CTTNBP2: variants seen among roughly 807,000 people sequenced by gnomAD.
CTTNBP2 encodes cortactin-binding protein 2.
In CTTNBP2, 108 loss-of-function variants were observed where a neutral mutation model predicts 156.9. That is an observed-to-expected ratio of 0.69 (90% CI 0.59 to 0.81). The LOEUF is 0.81. Among genes scored for constraint, CTTNBP2 ranks in the 30% least tolerant of loss-of-function variants. CTTNBP2 has a pLI of 0.00. For missense variants in CTTNBP2, 1,924 were observed against 2,035.4 expected, an observed-to-expected ratio of 0.95 and a Z score of 1.05; for synonymous variants, 767 against 751.8, an observed-to-expected ratio of 1.02 and a Z score of -0.33.
At chr7:117,845,760 T>C (rs1802543754) in intron 2 of CTTNBP2, among the ~76,000 whole-genome samples, 1 of 152,238 alleles carries the variant, frequency 6.6e-6, no homozygotes, top group Non-Finnish European at 1.5e-5. Flanking sequence ...GTTCAGCCAG[T>C]ACACATCAAG....
chr7:117,809,920 T>G (rs1277092375), intron 3 of CTTNBP2, among the ~76,000 whole-genome samples: 1 of 152,226 alleles, frequency 6.6e-6, no homozygotes, highest in East Asian at 1.9e-4. Context: ...TTAATTTTAA[T>G]CAAACCACAC....
chr7:117,830,026 C>G (rs1307221688), intron 2 of CTTNBP2, among the ~76,000 whole-genome samples: 1 of 152,180 alleles, frequency 6.6e-6, no homozygotes, highest in African/African-American at 2.4e-5. Context: ...AATTCCTACT[C>G]CATTCCATAG....
chr7:117,852,717 T>A (rs768003651), intron 2 of CTTNBP2, among the ~76,000 whole-genome samples: 4 of 152,204 alleles, frequency 2.6e-5, no homozygotes, highest in Non-Finnish European at 5.9e-5. Flanking sequence ...AATGAATGAT[T>A]AAACATAGAA....
At chr7:117,759,409 G>C (rs1344060181) in intron 10 of CTTNBP2, among the ~76,000 whole-genome samples, 1 of 152,102 alleles carries the variant, frequency 6.6e-6, no homozygotes, top group Non-Finnish European at 1.5e-5. Context: ...ACCATGCACA[G>C]CCAATAATAG....
chr7:117,871,017 T>C (rs1804558624), intron 1 of CTTNBP2, among the ~76,000 whole-genome samples: 1 of 152,238 alleles, frequency 6.6e-6, no homozygotes, highest in Non-Finnish European at 1.5e-5. Flanking sequence ...CTTTCAAAAA[T>C]AGCCTACTGC....
At chr7:117,835,699 A>G (rs7796436) in intron 2 of CTTNBP2, among the ~76,000 whole-genome samples, 107,374 of 152,096 alleles carry the variant, frequency 0.71, 38,488 homozygotes, top group African/African-American at 0.84. Flanking sequence ...TTCAACACGC[A>G]TTCGTCTTGA....
intron 2 of CTTNBP2, among the ~76,000 whole-genome samples, chr7:117,813,275 A>G (rs1800393282): frequency 6.6e-6 from 1 of 152,210 alleles, no homozygotes. Context: ...AATGTAGGAC[A>G]AACTACATAA....
chr7:117,842,676 G>GA (rs971921062), intron 2 of CTTNBP2, among the ~76,000 whole-genome samples: 5 of 152,028 alleles, frequency 3.3e-5, no homozygotes, highest in African/African-American at 9.7e-5. Context: ...AATAGAGATA[G>GA]AAAAAATGTA....
At chr7:117,767,987 G>A (rs1797584385) in intron 8 of CTTNBP2, among the ~76,000 whole-genome samples, 1 of 151,972 alleles carries the variant, frequency 6.6e-6, no homozygotes, top group South Asian at 2.1e-4. Flanking sequence ...ATGATTTGTT[G>A]GCTAATTTCC....
chr7:117,757,447 C>G (rs1796942440), intron 11 of CTTNBP2, among the ~76,000 whole-genome samples: 1 of 146,064 alleles, frequency 6.8e-6, no homozygotes, highest in Non-Finnish European at 1.5e-5. Flanking sequence ...CTATAAACAA[C>G]AGGGTCTAGC....
intron 3 of CTTNBP2, among the ~76,000 whole-genome samples, chr7:117,805,966 G>A (rs975056663): frequency 6.6e-6 from 1 of 152,160 alleles, no homozygotes; most frequent in Non-Finnish European, 1.5e-5. Flanking sequence ...TTAAAGAGAT[G>A]ATCAGATGGC....
At chr7:117,731,889 A>T (rs986049519) in intron 16 of CTTNBP2, among the ~76,000 whole-genome samples, 1 of 152,214 alleles carries the variant, frequency 6.6e-6, no homozygotes, top group Admixed American at 6.5e-5. Context: ...GACAAAGGAG[A>T]AAGCTGGATC....
chr7:117,870,872 A>T (rs1584596355), intron 1 of CTTNBP2, among the ~76,000 whole-genome samples: 1 of 152,218 alleles, frequency 6.6e-6, no homozygotes, highest in Admixed American at 6.5e-5. Context: ...TGCTTTCAGG[A>T]TTTAAACAGC....
chr7:117,750,460 G>C (rs1277306423), intron 12 of CTTNBP2, among the ~76,000 whole-genome samples: 1 of 152,112 alleles, frequency 6.6e-6, no homozygotes, highest in Admixed American at 6.6e-5. Flanking sequence ...GAATTAGGTA[G>C]GTAAAGAGAA....
At chr7:117,831,187 G>GA (rs1214676804) in intron 2 of CTTNBP2, among the ~76,000 whole-genome samples, 2 of 152,264 alleles carry the variant, frequency 1.3e-5, no homozygotes, top group African/African-American at 4.8e-5. Flanking sequence ...ATAAGCAAAA[G>GA]AATCAGAGCT....
At chr7:117,790,969 TA>T (rs998987319) in intron 4 of CTTNBP2, among the ~76,000 whole-genome samples, 158 bp downstream of exon 4, 10 of 133,772 alleles carry the variant, frequency 7.5e-5, no homozygotes, top group East Asian at 2.2e-4. Flanking sequence ...CTGGAGCCTT[TA>T]AAAAAAATAC....
chr7:117,783,393 GTTTAA>G (rs1474494350), intron 5 of CTTNBP2, among the ~76,000 whole-genome samples: 4 of 152,112 alleles, frequency 2.6e-5, no homozygotes, highest in African/African-American at 9.7e-5. Flanking sequence ...ACTTTATGAT[GTTTAA>G]TTTAATCTTT....
intron 2 of CTTNBP2, among the ~76,000 whole-genome samples, chr7:117,856,283 G>C (rs920219107): frequency 2.0e-5 from 3 of 152,194 alleles, no homozygotes; most frequent in African/African-American, 4.8e-5. Context: ...CATATGTTGG[G>C]ATGTGGAGCT....
At chr7:117,757,461 T>C (rs532640262) in intron 11 of CTTNBP2, among the ~76,000 whole-genome samples, 13 of 142,974 alleles carry the variant, frequency 9.1e-5, no homozygotes, top group African/African-American at 2.9e-4. Context: ...GTCTAGCACA[T>C]AGCAGGTGCT....
Sources: allele counts gnomAD v4.1 joint callset (sites outside exome capture counted in the v4.1 genomes callset), GRCh38; gene constraint gnomAD v4.1.1; transcripts MANE v1.5; gene names NCBI Gene and HGNC (gene_info 2026-07-23, HGNC 2026-07-21).